RND3: variants seen among roughly 807,000 people sequenced by gnomAD.
RND3 encodes the protein rho-related GTP-binding protein RhoE.
RND3 carries 8 observed loss-of-function variants against 26.5 expected under a neutral mutation model. That is an observed-to-expected ratio of 0.30 (90% CI 0.18 to 0.54). RND3 has a LOEUF of 0.54. Among genes scored for constraint, RND3 ranks in the 20% least tolerant of loss-of-function variants. The pLI, the probability that RND3 is intolerant of heterozygous loss-of-function variation, is 0.94. For missense variants in RND3, 207 were observed against 302.8 expected (o/e 0.68, Z 2.35); for synonymous variants, 113 against 113.0 (o/e 1.00, Z 0.00).
rs1354116052 is a variant in RND3, at chr2:150,468,895, G to T, written c.*1092C>A. 1 of 152,512 alleles carries T rather than the reference G, an allele frequency of 6.6e-6. No homozygotes were observed. The highest frequency in any genetic ancestry group is 1.5e-5 in the Non-Finnish European group (1 of 68,008). 9.4% of individuals were successfully genotyped at this position (152,512 alleles called of 1,614,324 possible). A position where few individuals can be genotyped will look rare whatever the true frequency, so the allele number is the denominator to read the frequency against. ...GGATTCTCTAAAGCTTGGGTAAGTG[G>T]CATCTTCTCTCATCAATGTTCATTT... On this transcript the variant is annotated 3_prime_UTR_variant, in exon 6 of 6. Coordinates refer to ENST00000263895, the MANE Select transcript of RND3 (RefSeq NM_005168.5).
chr2:150,471,302 A>C (rs1455199710), intron 5 of RND3, among the ~76,000 whole-genome samples: 1 of 152,154 alleles, frequency 6.6e-6, no homozygotes, highest in Admixed American at 6.5e-5. Flanking sequence ...CTTTACTGGC[A>C]ACAGCCTTAT....
intron 3 of RND3, 39 bp from the exon 4 acceptor site, chr2:150,475,023 G>T: frequency 7.7e-7 from 1 of 1,294,040 alleles, no homozygotes; most frequent in Non-Finnish European, 1.1e-6. Context: ...TCAGATGAGA[G>T]TCCCCTTGTC....
At chr2:150,481,765 C>A (rs1048376195) in intron 3 of RND3, among the ~76,000 whole-genome samples, 1 of 152,086 alleles carries the variant, frequency 6.6e-6, no homozygotes, top group Non-Finnish European at 1.5e-5. Context: ...CAGTGATCCC[C>A]TTTTAAGCTG....
chr2:150,475,061 G>T, intron 3 of RND3, 77 bp from the exon 4 acceptor site: 2 of 849,538 alleles, frequency 2.4e-6, no homozygotes, highest in Non-Finnish European at 3.9e-6. Flanking sequence ...ACCCTTTCCG[G>T]CTAAGTCCTT....
chr2:150,480,792 T>C (rs1686257777), intron 3 of RND3, among the ~76,000 whole-genome samples: 1 of 152,232 alleles, frequency 6.6e-6, no homozygotes, highest in African/African-American at 2.4e-5. Flanking sequence ...TTTTATGTAC[T>C]GCTTATTGGA....
chr2:150,478,219 A>G (rs1248053648), intron 3 of RND3, among the ~76,000 whole-genome samples: 1 of 151,932 alleles, frequency 6.6e-6, no homozygotes, highest in South Asian at 2.1e-4. Context: ...AAAACAAAAA[A>G]CAAAAACACT....
chr2:150,484,604 G>A (rs1686327719), intron 3 of RND3, among the ~76,000 whole-genome samples: 1 of 152,136 alleles, frequency 6.6e-6, no homozygotes, highest in South Asian at 2.1e-4. Flanking sequence ...CGGGATGCCA[G>A]ATCCCCTAAG....
chr2:150,485,922 G>A (rs762182162), intron 3 of RND3, among the ~76,000 whole-genome samples: 33 of 151,978 alleles, frequency 2.2e-4, no homozygotes, highest in Non-Finnish European at 4.1e-4. Flanking sequence ...AGACTGGAAG[G>A]TCAAAGGCGA....
chr2:150,470,407 C>A (rs1686068242), intron 5 of RND3, among the ~76,000 whole-genome samples, 169 bp from the exon 6 acceptor site: 1 of 152,226 alleles, frequency 6.6e-6, no homozygotes, highest in Non-Finnish European at 1.5e-5. Flanking sequence ...ATGTAAACTG[C>A]CTTATTTATT....
At chr2:150,485,684 A>G (rs2105224347) in intron 3 of RND3, among the ~76,000 whole-genome samples, 2 of 152,068 alleles carry the variant, frequency 1.3e-5, no homozygotes, top group South Asian at 4.2e-4. Context: ...GCGGGTGCCT[A>G]TGTCCCAGCC....
intron 4 of RND3, 65 bp from the exon 5 acceptor site, chr2:150,471,826 AT>A: frequency 7.6e-7 from 1 of 1,319,660 alleles, no homozygotes; most frequent in Non-Finnish European, 1.1e-6. Context: ...CATGAAAACC[AT>A]TTCTCCACTG....
chr2:150,479,114 C>G (rs1316557055), intron 3 of RND3, among the ~76,000 whole-genome samples: 3 of 152,148 alleles, frequency 2.0e-5, no homozygotes, highest in Non-Finnish European at 4.4e-5. Flanking sequence ...CTCTGAGTTG[C>G]TCAAGTTTGG....
chr2:150,474,727 A>G (rs1459737109), intron 4 of RND3, 148 bp downstream of exon 4: 4 of 479,484 alleles, frequency 8.3e-6, no homozygotes, highest in Admixed American at 3.8e-5. Flanking sequence ...TGGAAACCCC[A>G]TTTTGGTGTG....
At position 150,468,398 on chromosome 2, in the gene RND3, A is replaced by G. The variant is rs1477717643; in HGVS notation, c.*1589T>C. 1 of 152,662 alleles carries G rather than the reference A, an allele frequency of 6.6e-6. No homozygotes were observed. The highest frequency in any genetic ancestry group is 1.5e-5 in the Non-Finnish European group (1 of 68,050). The allele number at this position is 152,662 out of a possible 1,614,324, so 9.5% of individuals were successfully genotyped here. A position where few individuals can be genotyped will look rare whatever the true frequency, so the allele number is the denominator to read the frequency against. On this transcript the variant is annotated 3_prime_UTR_variant, in exon 6 of 6. Coordinates refer to ENST00000263895, the MANE Select transcript of RND3 (RefSeq NM_005168.5). ...GAAAGCACTCGCCAGCTATTTTGTA[A>G]TACTGCCCAAAGCATAATGCTGCAT...
intron 4 of RND3, 123 bp downstream of exon 4, chr2:150,474,752 A>T: frequency 1.9e-6 from 1 of 524,286 alleles, no homozygotes; most frequent in Non-Finnish European, 3.4e-6. Flanking sequence ...GGTTCTTTCT[A>T]GTGTTTAATT....
In RND3 at chr2:150,487,472, A is replaced by ATATATATATATATATATAT. The variant is rs1395547619; in HGVS notation, c.-38-18_-38-17insATATATATATATATATATA. On this transcript the variant is annotated splice_polypyrimidine_tract_variant and intron_variant, in intron 1 of 5. Coordinates refer to ENST00000263895, the MANE Select transcript of RND3 (RefSeq NM_005168.5). ...GAATTTTCTCTTAAGAAGAAAAAAA[A>ATATATATATATATATATAT]AAATATATATATATATATATATTTC... 5.1e-4 allele frequency: 177 copies of ATATATATATATATATATAT among 344,818 alleles called. 1 individual carries two copies. The highest frequency in any genetic ancestry group is 6.0e-4 in the Non-Finnish European group (147 of 245,990). 21.4% of individuals were successfully genotyped at this position (344,818 alleles called of 1,614,324 possible).
At position 150,469,236 on chromosome 2, in the gene RND3, A is replaced by G. The variant is rs1019198870; in HGVS notation, c.*751T>C. The G allele has an allele frequency of 6.6e-6, 1 of 152,642 alleles. No homozygotes were observed. The highest frequency in any genetic ancestry group is 1.5e-5 in the Non-Finnish European group (1 of 68,034). 9.5% of individuals were successfully genotyped at this position (152,642 alleles called of 1,614,324 possible). A position where few individuals can be genotyped will look rare whatever the true frequency, so the allele number is the denominator to read the frequency against. ...GCGCACAAAAATATTACATTGAGCA[A>G]TTTACCACTTTTTAATGACAATCAC... On this transcript the variant is annotated 3_prime_UTR_variant, in exon 6 of 6. Coordinates refer to ENST00000263895, the MANE Select transcript of RND3 (RefSeq NM_005168.5).
chr2:150,475,369 T>G (rs1686147304), intron 3 of RND3, among the ~76,000 whole-genome samples: 1 of 152,190 alleles, frequency 6.6e-6, no homozygotes, highest in Non-Finnish European at 1.5e-5. Flanking sequence ...CCTCTGATTC[T>G]TCACTCATAA....
chr2:150,485,541 A>G (rs1447422168), intron 3 of RND3, among the ~76,000 whole-genome samples: 4 of 152,298 alleles, frequency 2.6e-5, no homozygotes, highest in Middle Eastern at 3.4e-3. Flanking sequence ...TCGGTCCGCC[A>G]GCAACCCAGC....
Sources: allele counts gnomAD v4.1 joint callset (sites outside exome capture counted in the v4.1 genomes callset), GRCh38; gene constraint gnomAD v4.1.1; transcripts MANE v1.5; gene names NCBI Gene and HGNC (gene_info 2026-07-23, HGNC 2026-07-21).